The following MYH9 variants were observed in gnomAD, a reference collection of about 807,000 sequenced individuals.
MYH9 encodes myosin heavy chain 9.
MYH9 carries 29 observed loss-of-function variants against 241.9 expected under a neutral mutation model. That is an observed-to-expected ratio of 0.12 (90% CI 0.09 to 0.16). MYH9 has a LOEUF of 0.16. MYH9 is among the 10% of genes least tolerant of loss of function. The pLI, the probability that MYH9 is intolerant of heterozygous loss-of-function variation, is 1.00. For missense variants in MYH9, 1,803 were observed against 2,595.5 expected (o/e 0.69, Z 6.63); for synonymous variants, 1,047 against 1,062.6 (o/e 0.99, Z 0.29).
At chr22:36,335,286 G>C (rs532634958) in intron 3 of MYH9, among the ~76,000 whole-genome samples, 2 of 152,372 alleles carry the variant, frequency 1.3e-5, no homozygotes, top group East Asian at 3.9e-4. Context: ...GAGACCAGCA[G>C]GTGCAGACAC....
intron 23 of MYH9, among the ~76,000 whole-genome samples, chr22:36,299,566 C>T (rs759096241): frequency 3.2e-4 from 48 of 152,310 alleles, no homozygotes; most frequent in Non-Finnish European, 4.4e-4. Flanking sequence ...ATCCCAGTCC[C>T]GGGTGGGCGT....
intron 1 of MYH9, among the ~76,000 whole-genome samples, chr22:36,354,274 A>C (rs2017816563): frequency 6.6e-6 from 1 of 151,984 alleles, no homozygotes; most frequent in African/African-American, 2.4e-5. Flanking sequence ...GAGAGAAAGT[A>C]ACTCTACTCG....
At chr22:36,343,743 G>A (rs1011027969) in intron 2 of MYH9, among the ~76,000 whole-genome samples, 4 of 152,196 alleles carry the variant, frequency 2.6e-5, no homozygotes, top group Admixed American at 6.5e-5. Flanking sequence ...GGCAACCTGC[G>A]GGCCCAGGCA....
chr22:36,285,538 C>T lies in MYH9; in HGVS notation c.5274+120G>A. ...TCAGGTCCAGGTGCCTGGACATTTTCCCCTAAGCGCCTGGGGAGCAGCTGG... is the reference window on the plus strand; with the variant it reads ...TCAGGTCCAGGTGCCTGGACATTTTTCCCTAAGCGCCTGGGGAGCAGCTGG... On this transcript the variant is annotated intron_variant, in intron 37 of 40. Transcript: ENST00000216181. This position sits in a 1 kb window ranked among gnomAD's most constrained non-coding sequence, Gnocchi z 7.0. 6.6e-7 allele frequency: 1 copy of T among 1,505,356 alleles called. No individual in the cohort carries two copies. The highest frequency in any genetic ancestry group is 1.2e-5 in the South Asian group (1 of 85,948). The allele number at this position is 1,505,356 out of a possible 1,614,324, so 93.2% of individuals were successfully genotyped here.
chr22:36,295,727 C>G lies in MYH9; in HGVS notation c.3273-10G>C. 1 of 1,610,032 alleles carries G rather than the reference C, an allele frequency of 6.2e-7. No homozygotes were observed. Among genetic ancestry groups the G allele is most frequent in the Non-Finnish European group, 8.5e-7 (1 of 1,178,100 alleles). On this transcript the variant is annotated splice_polypyrimidine_tract_variant and intron_variant, in intron 25 of 40. Transcript: ENST00000216181. The surrounding 1 kb of genome is among the most constrained non-coding windows in gnomAD (Gnocchi z 4.1). ...AGCTTCCTCTTCCACTCTGCCAAAG[C>G]GACCAGCAACATCAGTATAAGGAGA...
intron 6 of MYH9, among the ~76,000 whole-genome samples, chr22:36,322,195 A>T (rs981406398): frequency 6.6e-6 from 1 of 152,060 alleles, no homozygotes; most frequent in Non-Finnish European, 1.5e-5. Flanking sequence ...TGGCCTTTCC[A>T]CCTCTCATGA....
chr22:36,325,142 CG>C (rs2017314795), intron 5 of MYH9: 1 of 760,072 alleles, frequency 1.3e-6, no homozygotes, highest in Non-Finnish European at 2.4e-6. Flanking sequence ...AATGGAAAAT[CG>C]GGGGTAGGGA....
chr22:36,313,052 T>C (rs922906436), intron 13 of MYH9, among the ~76,000 whole-genome samples: 1 of 150,092 alleles, frequency 6.7e-6, no homozygotes, highest in Non-Finnish European at 1.5e-5. Context: ...AGCACGCCAT[T>C]GCACTCCAGC....
chr22:36,346,811 G>A (rs1054790433), intron 2 of MYH9, among the ~76,000 whole-genome samples: 2 of 152,020 alleles, frequency 1.3e-5, no homozygotes, highest in African/African-American at 4.8e-5. Context: ...TCACCATGTT[G>A]CCCAGATTGG....
At chr22:36,366,498 G>A (rs891367407) in intron 1 of MYH9, among the ~76,000 whole-genome samples, 4 of 152,164 alleles carry the variant, frequency 2.6e-5, no homozygotes, top group Non-Finnish European at 4.4e-5. Context: ...CGCCAGCCTT[G>A]GCAAAGTGAA....
intron 2 of MYH9, among the ~76,000 whole-genome samples, chr22:36,343,020 C>T (rs2017614312): frequency 1.3e-5 from 2 of 152,210 alleles, no homozygotes; most frequent in African/African-American, 2.4e-5. Context: ...GCATGCACTA[C>T]AGAGTCAACC....
chr22:36,295,703 G>A lies in MYH9; in HGVS notation c.3287C>T (p.Ala1096Val), dbSNP rs755381871. 1 of 1,612,990 alleles carries A rather than the reference G, an allele frequency of 6.2e-7. No individual in the cohort carries two copies. Among genetic ancestry groups the A allele is most frequent in the East Asian group, 2.2e-5 (1 of 44,878 alleles). ...CTTGAGGGCCATGTTCTTCTGGGCA[G>A]CTTCCTCTTCCACTCTGCCAAAGCG... ...QAALARVEEE[A>V]AQKNMALKKI... is the part of the protein sequence containing the mutation. The change falls in exon 26 of 41, where the codon GCT becomes GTT. Residue 1096 changes from alanine (A) to valine (V), a missense_variant. Around this residue, in one of 11 missense-constraint regions of MYH9, gnomAD observed 290 missense variants for 360.5 expected, o/e 0.80. Coordinates refer to ENST00000216181, the MANE Select transcript of MYH9 (RefSeq NM_002473.6). This position sits in a 1 kb window ranked among gnomAD's most constrained non-coding sequence, Gnocchi z 4.1.
rs368753427 is a variant in MYH9 at position 36,322,419 on chromosome 22, C to T, written c.705+10G>A. 20 of 1,613,618 alleles carry T rather than the reference C, an allele frequency of 1.2e-5. No homozygotes were observed. Among genetic ancestry groups the T allele is most frequent in the Non-Finnish European group, 1.4e-5 (16 of 1,179,862 alleles). On this transcript the variant is annotated intron_variant, in intron 6 of 40. Transcript: ENST00000216181. ...TGTCCCCAGAGCCGGGGCGCCGCCG[C>T]GCTACTCACGAAGCGGGAGGAGTTG...
chr22:36,351,724 G>A (rs938270417), intron 1 of MYH9, among the ~76,000 whole-genome samples: 29 of 152,036 alleles, frequency 1.9e-4, no homozygotes, highest in Admixed American at 1.2e-3. Flanking sequence ...CTCAGGCTGC[G>A]GGTTCTCAGC....
At chr22:36,308,670 C>T (rs1269908891) in intron 15 of MYH9, 4 of 306,596 alleles carry the variant, frequency 1.3e-5, no homozygotes, top group African/African-American at 9.1e-5. Flanking sequence ...AGCCCAGGGG[C>T]AGATCAGGGA....
At chr22:36,297,206 T>C in intron 24 of MYH9, 192 bp from the exon 25 acceptor site, 1 of 642,268 alleles carries the variant, frequency 1.6e-6, no homozygotes, top group Non-Finnish European at 2.7e-6. Flanking sequence ...GCCCCTGGCA[T>C]GTCTCTCTCC....
In MYH9 at chr22:36,329,914, T is replaced by C. The variant is rs1476750650; in HGVS notation, c.491-2426A>G. Among the ~76,000 whole-genome samples the C allele has an allele frequency of 2.0e-5, 3 of 152,076 alleles. No homozygotes were observed. The South Asian group carries it at 6.2e-4, about 31-fold the overall frequency. On this transcript the variant is annotated intron_variant, in intron 3 of 40. Coordinates refer to ENST00000216181, the MANE Select transcript of MYH9 (RefSeq NM_002473.6). This position sits in a 1 kb window ranked among gnomAD's most constrained non-coding sequence, Gnocchi z 4.1. ...ACGTGTGCAAAGCCATATACATAGA[T>C]CCACACAAGGCACACAGCTGCACAC...
In MYH9 at chr22:36,329,333, C is replaced by T. The variant is rs556403259; in HGVS notation, c.491-1845G>A. On this transcript the variant is annotated intron_variant, in intron 3 of 40. Transcript: ENST00000216181. The surrounding 1 kb of genome is among the most constrained non-coding windows in gnomAD (Gnocchi z 4.1). ...GACAGAGATTAGAGACCTGCATCCTCGACTAGACAGACGGGAAGACAGAAG... is the reference window on the plus strand; with the variant it reads ...GACAGAGATTAGAGACCTGCATCCTTGACTAGACAGACGGGAAGACAGAAG... 2.6e-5 allele frequency among the ~76,000 whole-genome samples: 4 copies of T among 152,190 alleles called. No individual in the cohort carries two copies. Among genetic ancestry groups the T allele is most frequent in the Non-Finnish European group, 5.9e-5 (4 of 68,042 alleles).
chr22:36,325,629 T>C (rs1347920714), intron 5 of MYH9, among the ~76,000 whole-genome samples: 1 of 152,248 alleles, frequency 6.6e-6, no homozygotes, highest in African/African-American at 2.4e-5. Context: ...CAGCCGGCCA[T>C]CTGCATCTGG....
Sources: gnomAD v4.1 joint callset for allele counts (sites outside exome capture counted in the v4.1 genomes callset) on GRCh38, gnomAD v4.1.1 for gene constraint, gnomAD v4.1.1 regional missense constraint, Gnocchi (gnomAD v3.1) non-coding constraint, MANE v1.5 for transcripts, NCBI Gene and HGNC (gene_info 2026-07-23, HGNC 2026-07-21) for gene names.